The following MYRFL variants were observed in gnomAD, a reference collection of about 807,000 sequenced individuals.
MYRFL encodes the protein myelin regulatory factor like.
MYRFL carries 88 observed loss-of-function variants against 109.4 expected under a neutral mutation model. The ratio of observed to expected loss-of-function variants is 0.80; its 90% CI spans 0.68 to 0.96. The LOEUF (loss-of-function observed/expected upper bound fraction) is 0.96, where lower values mean the gene tolerates loss of function less well. Ranked by LOEUF, MYRFL falls within the 40% of genes least tolerant of loss-of-function variation. The probability of loss-of-function intolerance (pLI) is 0.00; values close to 1 mark genes in which losing one functional copy is unlikely to be tolerated. For synonymous variants in MYRFL, 324 were observed against 320.9 expected (o/e 1.01, Z -0.10); for missense variants, 957 against 954.9 (o/e 1.00, Z -0.03).
At chr12:69,957,463 C>T (rs1054998804) in intron 22 of MYRFL, among the ~76,000 whole-genome samples, 6 of 152,124 alleles carry the variant, frequency 3.9e-5, no homozygotes, top group Admixed American at 6.5e-5. Context: ...GCCAGGCTAA[C>T]GTCTGTAATC....
At chr12:69,868,109 C>CTTTTTTTTTTT (rs146729804) in intron 2 of MYRFL, among the ~76,000 whole-genome samples, 4 of 135,672 alleles carry the variant, frequency 2.9e-5, no homozygotes, top group Non-Finnish European at 4.8e-5. Flanking sequence ...TTTTTTTTTT[C>CTTTTTTTTTTT]TTTTTTTTTT....
intron 19 of MYRFL, among the ~76,000 whole-genome samples, chr12:69,948,773 A>C (rs1955899937): frequency 6.6e-6 from 1 of 152,214 alleles, no homozygotes; most frequent in South Asian, 2.1e-4. Context: ...CTTAATGGAA[A>C]GCACCATGTT....
rs60069243 is a variant in MYRFL, at chr12:69,878,242, C to CAA, written c.138-769_138-768dup. Among the ~76,000 whole-genome samples, 397 of 112,706 alleles carry CAA rather than the reference C, an allele frequency of 3.5e-3. 11 individuals carry two copies. Among genetic ancestry groups the CAA allele is most frequent in the African/African-American group, 6.6e-3 (194 of 29,242 alleles). The allele number at this position is 112,706 out of a possible 152,430, so 73.9% of individuals were successfully genotyped here. On this transcript the variant is annotated intron_variant, in intron 2 of 24. Transcript: ENST00000552032. ...TGGGTAACAGAGCAAGACTCCATCT[C>CAA]AAAAAAAAAAAAAAAAAATTACTTG...
Position 69,958,747 on chromosome 12 carries a change from C to T in MYRFL, c.*216C>T. 2.0e-6 allele frequency: 1 copy of T among 492,674 alleles called. No individual in the cohort carries two copies. The highest frequency in any genetic ancestry group is 3.6e-6 in the Non-Finnish European group (1 of 281,418). The allele number at this position is 492,674 out of a possible 1,614,324, so 30.5% of individuals were successfully genotyped here. On this transcript the variant is annotated 3_prime_UTR_variant, in exon 25 of 25. Transcript: ENST00000552032. ...TGAAATAATGTGATGTTTGATTTTG[C>T]CATGACTATGAAGAAAACATTTCCT...
chr12:69,833,039 C>A (rs1882731749), intron 1 of MYRFL, among the ~76,000 whole-genome samples: 1 of 150,044 alleles, frequency 6.7e-6, no homozygotes, highest in African/African-American at 2.5e-5. Context: ...TTTAGACAAC[C>A]AAGTGGAAGC....
At chr12:69,842,962 T>G (rs1405435465) in intron 1 of MYRFL, among the ~76,000 whole-genome samples, 1 of 152,200 alleles carries the variant, frequency 6.6e-6, no homozygotes, top group Non-Finnish European at 1.5e-5. Context: ...GAATGAACAC[T>G]AAGTAAATGT....
chr12:69,922,154 CGGCT>C (rs1954932896), intron 13 of MYRFL, among the ~76,000 whole-genome samples: 1 of 151,834 alleles, frequency 6.6e-6, no homozygotes, highest in Admixed American at 6.6e-5. Flanking sequence ...TTAGAGAGGA[CGGCT>C]GGAAATCTGT....
chr12:69,836,833 TC>T (rs964816371), intron 1 of MYRFL, among the ~76,000 whole-genome samples: 11 of 152,162 alleles, frequency 7.2e-5, no homozygotes, highest in Admixed American at 2.6e-4. Context: ...GGACCTGTCC[TC>T]CCCTTTGCTG....
intron 11 of MYRFL, among the ~76,000 whole-genome samples, chr12:69,908,333 T>C (rs1330678559): frequency 2.0e-5 from 3 of 152,170 alleles, no homozygotes; most frequent in African/African-American, 7.2e-5. Context: ...ACTCATGCTA[T>C]GAAGGAGAAC....
intron 11 of MYRFL, among the ~76,000 whole-genome samples, chr12:69,905,229 C>T (rs1954317676): frequency 6.6e-6 from 1 of 152,244 alleles, no homozygotes. Context: ...TTGAATATAA[C>T]AAGTGAGAAA....
At chr12:69,886,630 C>T (rs532328156) in intron 5 of MYRFL, among the ~76,000 whole-genome samples, 190 bp from the exon 6 acceptor site, 39 of 152,202 alleles carry the variant, frequency 2.6e-4, no homozygotes, top group East Asian at 7.7e-4. Flanking sequence ...CCTTTGACAA[C>T]GCTGACCCCA....
At chr12:69,865,018 G>A (rs1193852956) in intron 2 of MYRFL, among the ~76,000 whole-genome samples, 1 of 152,172 alleles carries the variant, frequency 6.6e-6, no homozygotes, top group East Asian at 1.9e-4. Flanking sequence ...AGAAGGAAAA[G>A]TGAACAAAGG....
At chr12:69,881,805 A>G (rs1057159328) in intron 5 of MYRFL, among the ~76,000 whole-genome samples, 1 of 152,230 alleles carries the variant, frequency 6.6e-6, no homozygotes, top group African/African-American at 2.4e-5. Flanking sequence ...CCATTTGTGG[A>G]TAAGTTAGAG....
chr12:69,891,252 A>G, intron 7 of MYRFL, 86 bp downstream of exon 7: 1 of 1,009,322 alleles, frequency 9.9e-7, no homozygotes, highest in Non-Finnish European at 1.3e-6. Context: ...CTATCCCAAA[A>G]TGACTTAAAA....
chr12:69,950,482 T>G (rs1455505707), intron 19 of MYRFL, among the ~76,000 whole-genome samples: 1 of 152,208 alleles, frequency 6.6e-6, no homozygotes, highest in African/African-American at 2.4e-5. Flanking sequence ...AAATGTTATA[T>G]TTTTTCATAG....
intron 2 of MYRFL, among the ~76,000 whole-genome samples, chr12:69,863,841 G>A (rs1884846487): frequency 6.6e-6 from 1 of 152,124 alleles, no homozygotes; most frequent in Admixed American, 6.6e-5. Context: ...ATTTGTTGGT[G>A]ATAGATTTTC....
At chr12:69,908,912 C>T (rs1349825956) in intron 11 of MYRFL, among the ~76,000 whole-genome samples, 1 of 152,074 alleles carries the variant, frequency 6.6e-6, no homozygotes, top group African/African-American at 2.4e-5. Context: ...TCCTCCCACC[C>T]TCCACCCTCC....
chr12:69,879,318 C>T lies in MYRFL; in HGVS notation c.329C>T (p.Ser110Phe), dbSNP rs1460214575. ...CAGAGCACCTCTGGAATGGGCGACT[C>T]CTGCCAAATCCACGGAGGCTTTCAC... ...PLQSTSGMGD[S>F]CQIHGGFHSC... is the part of the protein sequence containing the mutation. Residue 110 changes from serine to phenylalanine, a missense_variant, in exon 4 of 25, where the codon TCC (serine) becomes TTC (phenylalanine). Transcript: ENST00000552032. 1.4e-6 allele frequency: 1 copy of T among 702,878 alleles called. No individual in the cohort carries two copies. The highest frequency in any genetic ancestry group is 2.0e-5 in the Admixed American group (1 of 50,014). 43.5% of individuals were successfully genotyped at this position (702,878 alleles called of 1,614,324 possible).
At chr12:69,921,366 G>T (rs968920695) in intron 13 of MYRFL, among the ~76,000 whole-genome samples, 1 of 152,076 alleles carries the variant, frequency 6.6e-6, no homozygotes, top group African/African-American at 2.4e-5. Context: ...TTCTACATGG[G>T]GTCCAGACAT....
Sources: gnomAD v4.1 joint callset for allele counts (sites outside exome capture counted in the v4.1 genomes callset) on GRCh38, gnomAD v4.1.1 for gene constraint, MANE v1.5 for transcripts, NCBI Gene and HGNC (gene_info 2026-07-23, HGNC 2026-07-21) for gene names.